The following CTNNA2 variants were observed in gnomAD, a reference collection of about 807,000 sequenced individuals.
CTNNA2 encodes the protein catenin alpha 2, also known as catenin alpha-2.
A neutral mutation model predicts 101.0 loss-of-function variants in CTNNA2; 42 were observed. That is an observed-to-expected ratio of 0.42 (90% CI 0.32 to 0.54). The LOEUF (loss-of-function observed/expected upper bound fraction) is 0.54. Among genes scored for constraint, CTNNA2 ranks in the 20% least tolerant of loss-of-function variants. The pLI is 0.14. For missense variants in CTNNA2, 871 were observed against 1,223.1 expected (o/e 0.71, Z 4.29); for synonymous variants, 450 against 456.4 (o/e 0.99, Z 0.18).
intron 9 of CTNNA2, among the ~76,000 whole-genome samples, chr2:80,519,093 CAAG>C (rs1462070596): frequency 2.0e-5 from 3 of 151,906 alleles, no homozygotes; most frequent in African/African-American, 7.3e-5. Flanking sequence ...TAAGGGAATA[CAAG>C]AATAAACACC....
intron 9 of CTNNA2, among the ~76,000 whole-genome samples, chr2:80,484,972 T>G (rs6547312): frequency 6.6e-6 from 1 of 152,004 alleles, no homozygotes; most frequent in South Asian, 2.1e-4. Flanking sequence ...TGCCACTGCA[T>G]TCCAGCCTGT....
intron 7 of CTNNA2, among the ~76,000 whole-genome samples, chr2:80,156,408 C>CT (rs1704000415): frequency 6.6e-6 from 1 of 152,112 alleles, no homozygotes; most frequent in Non-Finnish European, 1.5e-5. Context: ...TGCTGAGAGT[C>CT]TATCATTTTT....
chr2:79,766,377 A>C (rs1673156620), intron 3 of CTNNA2, among the ~76,000 whole-genome samples: 1 of 152,178 alleles, frequency 6.6e-6, no homozygotes. Flanking sequence ...TAAGGTTTCC[A>C]CTGAAAAGTC....
chr2:79,505,107 C>T (rs1441762652), exon 5 of CTNNA2: 2 of 152,358 alleles, frequency 1.3e-5, no homozygotes, highest in African/African-American at 4.8e-5. Flanking sequence ...GCAACAGTAC[C>T]CCCTCTCCAT....
At chr2:79,739,400 T>C (rs918615874) in intron 2 of CTNNA2, among the ~76,000 whole-genome samples, 1 of 152,260 alleles carries the variant, frequency 6.6e-6, no homozygotes, top group African/African-American at 2.4e-5. Flanking sequence ...ATTTGCCTTT[T>C]ATTTCTGGAT....
At chr2:79,450,673 A>G (rs1049777127) in intron 4 of CTNNA2, among the ~76,000 whole-genome samples, 40 of 152,096 alleles carry the variant, frequency 2.6e-4, no homozygotes, top group Non-Finnish European at 8.8e-5. Context: ...CAAGGCAAGA[A>G]ATGTATAATA....
chr2:80,476,342 C>T (rs1463943567), intron 9 of CTNNA2, among the ~76,000 whole-genome samples: 9 of 152,072 alleles, frequency 5.9e-5, no homozygotes, highest in Non-Finnish European at 1.3e-4. Context: ...ATGAGCTTCA[C>T]GTAACTGCCA....
intron 7 of CTNNA2, among the ~76,000 whole-genome samples, chr2:80,127,345 C>T (rs1345650874): frequency 1.3e-5 from 2 of 152,124 alleles, no homozygotes; most frequent in Non-Finnish European, 2.9e-5. Context: ...GAGAGAGGAA[C>T]TCCAGCTATG....
chr2:80,558,232 ATTG>A (rs1448319639), intron 12 of CTNNA2, among the ~76,000 whole-genome samples: 8 of 152,192 alleles, frequency 5.3e-5, no homozygotes, highest in Admixed American at 2.6e-4. Context: ...TTTGTCCCCA[ATTG>A]TTCTTCTCTT....
At position 80,100,528 on chromosome 2, in the gene CTNNA2, G is replaced by C. The variant is rs185572531; in HGVS notation, c.1056+190731G>C. Among the ~76,000 whole-genome samples, 56 of 151,830 alleles carry C rather than the reference G, an allele frequency of 3.7e-4. 1 individual carries two copies. Among genetic ancestry groups the C allele is most frequent in the South Asian group, 8.3e-4 (4 of 4,812 alleles). ...CAAGCATTTTCTATTTACTATATTTGTTTTTTTTCACACATTCTGAAATCC... is the reference window on the plus strand; with the variant it reads ...CAAGCATTTTCTATTTACTATATTTCTTTTTTTTCACACATTCTGAAATCC... On this transcript the variant is annotated intron_variant, in intron 7 of 18. Coordinates refer to ENST00000402739, the MANE Select transcript of CTNNA2 (RefSeq NM_001282597.3).
Position 80,445,241 on chromosome 2 carries a change from G to A in CTNNA2, c.1290+25640G>A, listed in dbSNP as rs1397122012. ...CTGTCATCCGGGCTGGAGTGCAGTGGCCCAATCATAGCTCACTGCAGCCTC... is the reference window on the plus strand; with the variant it reads ...CTGTCATCCGGGCTGGAGTGCAGTGACCCAATCATAGCTCACTGCAGCCTC... On this transcript the variant is annotated intron_variant, in intron 9 of 18. Transcript: ENST00000402739. Among the ~76,000 whole-genome samples, 4 of 151,882 alleles carry A rather than the reference G, an allele frequency of 2.6e-5. No individual in the cohort carries two copies. In the East Asian group the frequency reaches 5.8e-4, roughly 22 times the overall value.
chr2:79,222,284 G>C (rs1674355387), intron 2 of CTNNA2, among the ~76,000 whole-genome samples: 1 of 152,318 alleles, frequency 6.6e-6, no homozygotes, highest in Admixed American at 6.5e-5. Flanking sequence ...CCACTACTGA[G>C]GGTCAGATTT....
At chr2:80,058,203 T>A (rs889424088) in intron 7 of CTNNA2, among the ~76,000 whole-genome samples, 3 of 152,234 alleles carry the variant, frequency 2.0e-5, no homozygotes, top group Admixed American at 6.5e-5. Context: ...TGTCATTCTG[T>A]AAGATGAGTT....
intron 12 of CTNNA2, among the ~76,000 whole-genome samples, chr2:80,569,029 C>T (rs953884248): frequency 2.6e-5 from 4 of 152,098 alleles, no homozygotes; most frequent in African/African-American, 9.7e-5. Context: ...GCGAGGTTAC[C>T]TGACTCTTCA....
At chr2:79,342,612 G>C (rs911970047) in intron 3 of CTNNA2, among the ~76,000 whole-genome samples, 2 of 152,122 alleles carry the variant, frequency 1.3e-5, no homozygotes, top group African/African-American at 4.8e-5. Flanking sequence ...TTTGCAATTA[G>C]TTTATCTTGA....
intron 7 of CTNNA2, among the ~76,000 whole-genome samples, chr2:79,939,711 GATCTTACAT>G (rs1471784338): frequency 2.6e-5 from 4 of 152,090 alleles, no homozygotes; most frequent in African/African-American, 9.7e-5. Flanking sequence ...ATCAATGAAT[GATCTTACAT>G]ATTAGCAATA....
chr2:80,261,594 TG>T (rs2149123816), intron 7 of CTNNA2, among the ~76,000 whole-genome samples: 1 of 152,238 alleles, frequency 6.6e-6, no homozygotes, highest in Non-Finnish European at 1.5e-5. Context: ...TCCACGTGGT[TG>T]GGGACTTTCA....
intron 7 of CTNNA2, among the ~76,000 whole-genome samples, chr2:80,307,164 G>A (rs1306298778): frequency 6.6e-6 from 1 of 151,488 alleles, no homozygotes; most frequent in Non-Finnish European, 1.5e-5. Flanking sequence ...AATGTGGCAA[G>A]TTTGCATCTT....
intron 7 of CTNNA2, among the ~76,000 whole-genome samples, chr2:80,250,993 G>A (rs191278362): frequency 2.4e-3 from 369 of 152,250 alleles, no homozygotes; most frequent in African/African-American, 8.5e-3. Context: ...GGCTAAATGA[G>A]TCTTAAGGGA....
Sources: allele counts gnomAD v4.1 joint callset (sites outside exome capture counted in the v4.1 genomes callset), GRCh38; gene constraint gnomAD v4.1.1; transcripts MANE v1.5; gene names NCBI Gene and HGNC (gene_info 2026-07-23, HGNC 2026-07-21).